Variants in DSTYK observed in about 807,000 individuals in gnomAD.
DSTYK encodes RIP-homologous kinase.
Under a neutral mutation model 98.7 loss-of-function variants are expected in DSTYK, and 34 were observed. The observed-to-expected ratio is 0.34, with a 90% CI of 0.26 to 0.46. The LOEUF is 0.46. Among genes scored for constraint, DSTYK ranks in the 20% least tolerant of loss-of-function variants. The pLI is 1.00. For missense variants in DSTYK, 962 were observed against 1,181.7 expected (o/e 0.81, Z 2.73); for synonymous variants, 462 against 457.3 (o/e 1.01, Z -0.13).
chr1:205,179,690 T>TAAAAAAAAA (rs1658340730), intron 2 of DSTYK, among the ~76,000 whole-genome samples: 2 of 147,914 alleles, frequency 1.4e-5, no homozygotes, highest in African/African-American at 5.3e-5. Flanking sequence ...GGTTCTGTAT[T>TAAAAAAAAA]AAGAAGTATA....
chr1:205,169,461 G>A lies in DSTYK; in HGVS notation c.1026C>T (p.His342=). ...MLVEQSEKLR[H]LSTFSHQVLQ... ...ACACCTGGTGAGAAAATGTGCTCAA[G>A]TGTCTCAGCTTTTCACTCTGTTCCA... is the stretch of plus-strand genomic sequence containing the variant. The change falls in exon 3 of 13, where the codon CAC becomes CAT. Residue 342 remains histidine (H), a synonymous_variant. Transcript: ENST00000367162. This position sits in a 1 kb window ranked among gnomAD's most constrained non-coding sequence, Gnocchi z 4.0. The A allele has an allele frequency of 6.2e-7, 1 of 1,614,126 alleles. No individual in the cohort carries two copies. The highest frequency in any genetic ancestry group is 8.5e-7 in the Non-Finnish European group (1 of 1,180,030).
chr1:205,192,466 C>G (rs1032791818), intron 1 of DSTYK, among the ~76,000 whole-genome samples: 2 of 152,010 alleles, frequency 1.3e-5, no homozygotes, highest in African/African-American at 4.8e-5. Context: ...CTGGGGAGGT[C>G]GAGGCTGCAG....
In DSTYK at chr1:205,160,199, C is replaced by T; in HGVS notation, c.2020G>A (p.Gly674Arg). Residue 674 changes from glycine (G) to arginine (R), a missense_variant, in exon 8 of 13, where the codon GGA becomes AGA. By Grantham distance (125) the Gly-to-Arg change is moderately radical (BLOSUM62 -2). Coordinates refer to ENST00000367162, the MANE Select transcript of DSTYK (RefSeq NM_015375.3). ...GVVYLCDNWG[G>R]HFPCALKSVV... ...GATTTGAGGGCACAAGGGAAGTGTC[C>T]TCCCCAGTTGTCACACAGGTATACC... 6.2e-7 allele frequency: 1 copy of T among 1,614,132 alleles called. No individual in the cohort carries two copies. The highest frequency in any genetic ancestry group is 1.3e-5 in the African/African-American group (1 of 75,030).
In DSTYK at chr1:205,153,718, G is replaced by A. The variant is rs568366913; in HGVS notation, c.2353-2924C>T. 6.5e-4 allele frequency among the ~76,000 whole-genome samples: 99 copies of A among 152,228 alleles called. 1 individual carries two copies. Among genetic ancestry groups the A allele is most frequent in the African/African-American group, 2.3e-3 (96 of 41,546 alleles). On this transcript the variant is annotated intron_variant, in intron 10 of 12. Transcript: ENST00000367162. Reference sequence around the variant, plus strand: ...TAACTTACTTTTTGTGTGTGTGTGTGTGGCAGGGTCTCACTCTGTCACCAG... The same window carrying A: ...TAACTTACTTTTTGTGTGTGTGTGTATGGCAGGGTCTCACTCTGTCACCAG...
At chr1:205,205,587 A>G (rs1049761561) in intron 1 of DSTYK, among the ~76,000 whole-genome samples, 3 of 151,962 alleles carry the variant, frequency 2.0e-5, no homozygotes, top group African/African-American at 7.3e-5. Context: ...CTGGGATTAT[A>G]GGCCCGCACC....
chr1:205,161,166 G>T, intron 7 of DSTYK, 92 bp downstream of exon 7: 1 of 1,514,448 alleles, frequency 6.6e-7, no homozygotes, highest in Non-Finnish European at 8.9e-7. Context: ...CAAAGAAGCA[G>T]CTTTAGACAC....
In DSTYK at chr1:205,150,936, A is replaced by T. The variant is rs1448795391; in HGVS notation, c.2353-142T>A. On this transcript the variant is annotated intron_variant, in intron 10 of 12. Coordinates refer to ENST00000367162, the MANE Select transcript of DSTYK (RefSeq NM_015375.3). The surrounding 1 kb of genome is among the most constrained non-coding windows in gnomAD (Gnocchi z 4.1). ...TGAAAATGAGTTGTCAGGTGATTTCATCCTTGTACAAACACCAGACTGTGC... is the reference window on the plus strand; with the variant it reads ...TGAAAATGAGTTGTCAGGTGATTTCTTCCTTGTACAAACACCAGACTGTGC... The T allele has an allele frequency of 2.8e-6, 2 of 711,166 alleles. No homozygotes were observed. Among genetic ancestry groups the T allele is most frequent in the African/African-American group, 3.5e-5 (2 of 56,434 alleles). 44.1% of individuals were successfully genotyped at this position (711,166 alleles called of 1,614,324 possible).
chr1:205,172,433 G>C (rs1045354770), intron 2 of DSTYK, among the ~76,000 whole-genome samples: 8 of 150,340 alleles, frequency 5.3e-5, no homozygotes, highest in African/African-American at 1.9e-4. Context: ...CCAAGTAGCT[G>C]ATACTACAGG....
At chr1:205,181,063 CCTTT>C (rs918660389) in intron 2 of DSTYK, among the ~76,000 whole-genome samples, 3 of 152,150 alleles carry the variant, frequency 2.0e-5, no homozygotes, top group African/African-American at 7.2e-5. Context: ...ACTTCAGTTT[CCTTT>C]TTTTGCCACA....
Position 205,187,679 on chromosome 1 carries a change from C to A in DSTYK, c.393G>T (p.Leu131=), listed in dbSNP as rs769206556. Residue 131 remains leucine (L), a synonymous_variant, in exon 2 of 13, where the codon CTG becomes CTT. Coordinates refer to ENST00000367162, the MANE Select transcript of DSTYK (RefSeq NM_015375.3). ...CNVKCQLLNL[L]LGVQVLPTTK... is the part of the protein sequence containing the mutation. ...TGGTGGGAAGCACCTGCACCCCCAA[C>A]AGCAGATTCAACAGCTGGCACTTGA... 46 of 1,614,216 alleles carry A rather than the reference C, an allele frequency of 2.8e-5. No individual in the cohort carries two copies. The highest frequency in any genetic ancestry group is 5.3e-5 in the African/African-American group (4 of 75,060).
chr1:205,194,942 C>T (rs983983105), intron 1 of DSTYK, among the ~76,000 whole-genome samples: 8 of 151,726 alleles, frequency 5.3e-5, no homozygotes, highest in African/African-American at 1.9e-4. Context: ...AAGTGATTCT[C>T]GTGCCTCAGC....
rs1161630107 is a variant in DSTYK, at chr1:205,163,946, A to G, written c.1334T>C (p.Val445Ala). 2 of 1,613,924 alleles carry G rather than the reference A, an allele frequency of 1.2e-6. No homozygotes were observed. Among genetic ancestry groups the G allele is most frequent in the Admixed American group, 3.3e-5 (2 of 59,990 alleles). Residue 445 changes from valine (V) to alanine (A), a missense_variant, in exon 4 of 13, where the codon GTC (valine) becomes GCC (alanine). By Grantham distance (64) the Val-to-Ala change is moderately conservative. This residue lies in a region of DSTYK where 660 missense variants were observed against 855.0 expected (regional missense o/e 0.77). Transcript: ENST00000367162. ...GCCTACTGGTTCTCCATTCTCAGGG[A>G]CAATGACGTCTATGGAGGCAGAGAA... ...ATNMEFKDVI[V>A]PENGEPVGTR... is the part of the protein sequence containing the mutation.
chr1:205,211,600 G>T lies in DSTYK; in HGVS notation c.-65C>A. The T allele has an allele frequency of 1.4e-6, 2 of 1,403,942 alleles. No homozygotes were observed. Among genetic ancestry groups the T allele is most frequent in the South Asian group, 1.6e-5 (1 of 64,244 alleles). 87.0% of individuals were successfully genotyped at this position (1,403,942 alleles called of 1,614,324 possible). On this transcript the variant is annotated 5_prime_UTR_variant, in exon 1 of 13. Transcript: ENST00000367162. ...CGCAGGCCCGGCCTCCCTCCTCCCC[G>T]CCCCCCAGTGCCGAAGGGAGGAGGA...
intron 12 of DSTYK, among the ~76,000 whole-genome samples, chr1:205,147,985 G>A (rs922530119): frequency 1.3e-5 from 2 of 151,854 alleles, no homozygotes; most frequent in Admixed American, 6.6e-5. Flanking sequence ...TTGAAGAATC[G>A]GACATTTTTT....
chr1:205,174,148 G>A (rs1658155118), intron 2 of DSTYK, among the ~76,000 whole-genome samples: 1 of 152,092 alleles, frequency 6.6e-6, no homozygotes, highest in Admixed American at 6.5e-5. Context: ...GGAGGTTGAG[G>A]TGGGCAGATT....
chr1:205,159,371 G>A (rs139514573), intron 9 of DSTYK, among the ~76,000 whole-genome samples, 176 bp downstream of exon 9: 2 of 152,328 alleles, frequency 1.3e-5, no homozygotes, highest in African/African-American at 2.4e-5. Context: ...TTACAGGGGT[G>A]AGCCACCATG....
intron 10 of DSTYK, among the ~76,000 whole-genome samples, chr1:205,155,138 C>A (rs1163053620): frequency 6.6e-6 from 1 of 151,874 alleles, no homozygotes; most frequent in African/African-American, 2.4e-5. Context: ...GTGTGTGCCA[C>A]CACACCCAGC....
intron 1 of DSTYK, among the ~76,000 whole-genome samples, chr1:205,207,349 A>C (rs956699074): frequency 6.7e-6 from 1 of 150,042 alleles, no homozygotes; most frequent in African/African-American, 2.4e-5. Flanking sequence ...AAAGTGCTGG[A>C]ATTACAGGCG....
intron 8 of DSTYK, 127 bp from the exon 9 acceptor site, chr1:205,159,806 G>T: frequency 8.5e-7 from 1 of 1,182,890 alleles, no homozygotes; most frequent in Non-Finnish European, 1.2e-6. Flanking sequence ...GGCCCTCAGT[G>T]CAGACAGAGC....
Sources: allele counts gnomAD v4.1 joint callset (sites outside exome capture counted in the v4.1 genomes callset), GRCh38; gene constraint gnomAD v4.1.1; regional missense constraint gnomAD v4.1.1; non-coding constraint Gnocchi (gnomAD v3.1); transcripts MANE v1.5; gene names NCBI Gene and HGNC (gene_info 2026-07-23, HGNC 2026-07-21).